The following ARHGAP42 variants were observed in gnomAD, a reference collection of about 807,000 sequenced individuals.
The protein encoded by ARHGAP42 is Rho GTPase activating protein 42.
ARHGAP42 carries 63 observed loss-of-function variants against 125.0 expected under a neutral mutation model. The observed-to-expected ratio is 0.50, with a 90% CI of 0.41 to 0.62. ARHGAP42 has a LOEUF of 0.62. Ranked by LOEUF, ARHGAP42 falls within the 20% of genes least tolerant of loss-of-function variation. The pLI, the probability that ARHGAP42 is intolerant of heterozygous loss-of-function variation, is 0.00. For missense variants in ARHGAP42, 766 were observed against 1,024.2 expected (o/e 0.75, Z 3.44); for synonymous variants, 339 against 351.0 (o/e 0.97, Z 0.38).
intron 4 of ARHGAP42, among the ~76,000 whole-genome samples, chr11:100,882,277 A>G (rs757832346): frequency 3.9e-5 from 6 of 152,116 alleles, no homozygotes; most frequent in African/African-American, 7.2e-5. Flanking sequence ...TTGTATGCCA[A>G]TTTTGCTGAG....
chr11:100,732,904 A>G (rs190976326), intron 1 of ARHGAP42, among the ~76,000 whole-genome samples: 66 of 152,354 alleles, frequency 4.3e-4, no homozygotes, highest in Non-Finnish European at 7.8e-4. Flanking sequence ...TCTACTAATT[A>G]TTCAACATCA....
chr11:100,974,431 G>T, intron 18 of ARHGAP42, 28 bp from the exon 19 acceptor site: 1 of 1,543,230 alleles, frequency 6.5e-7, no homozygotes, highest in South Asian at 1.2e-5. Context: ...CCCTTTTATT[G>T]ACCTTGGTCC....
At chr11:100,745,171 C>T (rs552577871) in intron 1 of ARHGAP42, among the ~76,000 whole-genome samples, 92 of 152,220 alleles carry the variant, frequency 6.0e-4, no homozygotes, top group African/African-American at 2.2e-3. Context: ...GGTTGCTTTA[C>T]GAGGAAGTTA....
chr11:100,865,491 A>G (rs1016444465), intron 4 of ARHGAP42, among the ~76,000 whole-genome samples: 1 of 152,212 alleles, frequency 6.6e-6, no homozygotes, highest in Admixed American at 6.5e-5. Context: ...ATGAAAATTG[A>G]GAAAACAATC....
At chr11:100,931,544 C>A (rs1322445914) in intron 6 of ARHGAP42, among the ~76,000 whole-genome samples, 2 of 152,104 alleles carry the variant, frequency 1.3e-5, no homozygotes, top group Non-Finnish European at 2.9e-5. Context: ...GTTTAATTAA[C>A]TTTTATACTG....
chr11:100,866,337 C>T (rs1355514980), intron 4 of ARHGAP42, among the ~76,000 whole-genome samples: 1 of 152,188 alleles, frequency 6.6e-6, no homozygotes, highest in Non-Finnish European at 1.5e-5. Flanking sequence ...TTAGAATCAG[C>T]TTCTTCCATG....
In ARHGAP42 at chr11:100,992,353, G is replaced by C; in HGVS notation, c.*3552G>C. On this transcript the variant is annotated 3_prime_UTR_variant, in exon 24 of 24. Coordinates refer to ENST00000298815, the MANE Select transcript of ARHGAP42 (RefSeq NM_152432.4). ...TAGGACCCGGAAATCACATCTCCTG[G>C]TCAGGTCACGAAAAAGAACACAGGC... The C allele has an allele frequency of 6.2e-7, 1 of 1,613,326 alleles. No individual in the cohort carries two copies. Among genetic ancestry groups the C allele is most frequent in the Non-Finnish European group, 8.5e-7 (1 of 1,179,618 alleles).
intron 8 of ARHGAP42, among the ~76,000 whole-genome samples, chr11:100,938,036 G>T (rs1015620380): frequency 1.4e-4 from 20 of 148,052 alleles, no homozygotes; most frequent in Admixed American, 1.4e-4. Flanking sequence ...GCCCTTTGTG[G>T]TACTGACCTC....
At chr11:100,757,282 T>C (rs1862599156) in intron 1 of ARHGAP42, among the ~76,000 whole-genome samples, 1 of 152,206 alleles carries the variant, frequency 6.6e-6, no homozygotes, top group African/African-American at 2.4e-5. Flanking sequence ...GGGTTGATTT[T>C]GACATGGCAG....
chr11:100,760,558 G>A lies in ARHGAP42; in HGVS notation c.155-9785G>A, dbSNP rs563273845. ...TACTAAAAATACAAAAAAATTAGCC[G>A]GGTGTGGTGGCGGGCTCCTGTAATC... On this transcript the variant is annotated intron_variant, in intron 1 of 23. Transcript: ENST00000298815. Among the ~76,000 whole-genome samples, 35 of 152,054 alleles carry A rather than the reference G, an allele frequency of 2.3e-4. 2 individuals carry two copies. The highest frequency in any genetic ancestry group is 6.8e-4 in the African/African-American group (28 of 41,464).
chr11:100,971,243 A>T (rs1372212616), intron 17 of ARHGAP42, among the ~76,000 whole-genome samples: 1 of 151,980 alleles, frequency 6.6e-6, no homozygotes, highest in Non-Finnish European at 1.5e-5. Context: ...AATAATTTTT[A>T]TCCTTTATGA....
intron 3 of ARHGAP42, 95 bp from the exon 4 acceptor site, chr11:100,859,457 AAC>A (rs1865394243): frequency 2.0e-6 from 2 of 1,002,102 alleles, no homozygotes; most frequent in Non-Finnish European, 2.9e-6. Flanking sequence ...CAAAAACAAA[AAC>A]AGTCTATTTG....
At position 100,948,473 on chromosome 11, in the gene ARHGAP42, T is replaced by G; in HGVS notation, c.1060T>G (p.Leu354Val). Residue 354 changes from leucine to valine, a missense_variant, in exon 11 of 24, where the codon TTA becomes GTA. By Grantham distance (32) the Leu-to-Val change is conservative. Transcript: ENST00000298815. ...EVVERHGIIT[L>V]QAFSEANRKL... Reference sequence around the variant, plus strand: ...TTTAAATAGGCATGGGATCATCACGTTACAGGCCTTCTCAGAAGCTAATAG... The same window carrying G: ...TTTAAATAGGCATGGGATCATCACGGTACAGGCCTTCTCAGAAGCTAATAG... 2 of 1,549,620 alleles carry G rather than the reference T, an allele frequency of 1.3e-6. No homozygotes were observed. Among genetic ancestry groups the G allele is most frequent in the Non-Finnish European group, 1.7e-6 (2 of 1,145,666 alleles).
intron 18 of ARHGAP42, among the ~76,000 whole-genome samples, chr11:100,974,105 A>T (rs1004746651): frequency 6.6e-6 from 1 of 152,228 alleles, no homozygotes; most frequent in Non-Finnish European, 1.5e-5. Flanking sequence ...GCAAGGAGCC[A>T]TTCAGTGGGA....
intron 1 of ARHGAP42, among the ~76,000 whole-genome samples, chr11:100,764,386 C>T (rs1027903273): frequency 1.3e-5 from 2 of 152,126 alleles, no homozygotes; most frequent in Non-Finnish European, 2.9e-5. Context: ...GAAAGAGCAT[C>T]CAGTTTGGGA....
At chr11:100,828,764 T>TGCA (rs1029382006) in intron 3 of ARHGAP42, among the ~76,000 whole-genome samples, 2 of 151,686 alleles carry the variant, frequency 1.3e-5, no homozygotes, top group African/African-American at 4.8e-5. Flanking sequence ...CCTAGCTCGC[T>TGCA]GCAGCCTCAA....
intron 3 of ARHGAP42, among the ~76,000 whole-genome samples, chr11:100,813,546 A>G (rs963234822): frequency 6.6e-6 from 1 of 152,214 alleles, no homozygotes; most frequent in South Asian, 2.1e-4. Flanking sequence ...TCACCAATGT[A>G]TAGATGGTAT....
At chr11:100,913,406 G>C in intron 4 of ARHGAP42, 46 bp from the exon 5 acceptor site, 17 of 909,950 alleles carry the variant, frequency 1.9e-5, no homozygotes, top group Non-Finnish European at 2.4e-5. Context: ...GGGGTTTTCT[G>C]GGTGCTCTGA....
At chr11:100,771,358 T>C (rs1862973096) in intron 2 of ARHGAP42, among the ~76,000 whole-genome samples, 1 of 152,212 alleles carries the variant, frequency 6.6e-6, no homozygotes, top group South Asian at 2.1e-4. Flanking sequence ...GTCTGATTCT[T>C]ATAACTCCCT....
Sources: allele counts gnomAD v4.1 joint callset (sites outside exome capture counted in the v4.1 genomes callset), GRCh38; gene constraint gnomAD v4.1.1; transcripts MANE v1.5; gene names NCBI Gene and HGNC (gene_info 2026-07-23, HGNC 2026-07-21).